PPIL2: variants seen among roughly 807,000 people sequenced by gnomAD.
PPIL2 encodes the protein RING-type E3 ubiquitin-protein ligase PPIL2.
A neutral mutation model predicts 75.2 loss-of-function variants in PPIL2; 50 were observed. The ratio of observed to expected loss-of-function variants is 0.66; its 90% CI spans 0.53 to 0.84. The LOEUF (loss-of-function observed/expected upper bound fraction) is 0.84, where lower values mean the gene tolerates loss of function less well. Ranked by LOEUF, PPIL2 falls within the 40% of genes least tolerant of loss-of-function variation. The probability of loss-of-function intolerance (pLI) is 0.00; values close to 1 mark genes in which losing one functional copy is unlikely to be tolerated. For synonymous variants in PPIL2, 245 were observed against 258.8 expected (o/e 0.95, Z 0.51); for missense variants, 590 against 685.0 (o/e 0.86, Z 1.55).
intron 6 of PPIL2, among the ~76,000 whole-genome samples, chr22:21,675,407 G>C (rs539392061): frequency 6.6e-6 from 1 of 152,276 alleles, no homozygotes; most frequent in African/African-American, 2.4e-5. Context: ...ATGGTGGCGG[G>C]CGCCTGTAGT....
intron 5 of PPIL2, chr22:21,673,746 G>A (rs1379629496): frequency 2.6e-5 from 4 of 152,524 alleles, no homozygotes; most frequent in African/African-American, 9.6e-5. Context: ...TGCTTGGCCA[G>A]ACCTATGGGT....
chr22:21,696,573 C>T lies in PPIL2; in HGVS notation c.*1083C>T, dbSNP rs529153878. ...GGCTGGCTTTTTCTTCGTCTTCAGC[C>T]CAGGCCAGTGGTCAGTGTTCTCATG... On this transcript the variant is annotated 3_prime_UTR_variant, in exon 20 of 20. Transcript: ENST00000398831. 3.5e-6 allele frequency: 5 copies of T among 1,420,148 alleles called. No individual in the cohort carries two copies. The African/African-American group carries it at 5.7e-5, about 16-fold the overall frequency. The allele number at this position is 1,420,148 out of a possible 1,614,324, so 88.0% of individuals were successfully genotyped here.
chr22:21,693,805 C>G lies in PPIL2; in HGVS notation c.1140-11C>G, dbSNP rs374420914. The G allele has an allele frequency of 5.2e-6, 8 of 1,532,176 alleles. No homozygotes were observed. In the African/African-American group the frequency reaches 9.6e-5, roughly 18 times the overall value. 94.9% of individuals were successfully genotyped at this position (1,532,176 alleles called of 1,614,324 possible). ...CCATGCTCTCCCTAACCATCCAGCC[C>G]TCCTCCCCAGCTTCATCACGTTTCG... On this transcript the variant is annotated splice_polypyrimidine_tract_variant and intron_variant, in intron 15 of 19. Transcript: ENST00000398831.
chr22:21,676,368 CTCT>C (rs2066859526), intron 6 of PPIL2, among the ~76,000 whole-genome samples: 1 of 144,992 alleles, frequency 6.9e-6, no homozygotes, highest in Non-Finnish European at 1.5e-5. Context: ...TTCTCCAAAC[CTCT>C]TTTTTTTTTT....
intron 6 of PPIL2, among the ~76,000 whole-genome samples, chr22:21,678,117 C>G (rs925400848): frequency 6.6e-6 from 1 of 152,022 alleles, no homozygotes; most frequent in African/African-American, 2.4e-5. Flanking sequence ...CCTGTGGGGC[C>G]TGGGAGCCAC....
At chr22:21,691,638 C>T (rs920598906) in intron 15 of PPIL2, among the ~76,000 whole-genome samples, 2 of 152,180 alleles carry the variant, frequency 1.3e-5, no homozygotes, top group South Asian at 4.1e-4. Flanking sequence ...CGAGATCGCG[C>T]CACTGCACTC....
chr22:21,675,980 AG>A (rs1241195698), intron 6 of PPIL2, among the ~76,000 whole-genome samples: 2 of 152,178 alleles, frequency 1.3e-5, no homozygotes, highest in Non-Finnish European at 2.9e-5. Flanking sequence ...GCTAGGTTCT[AG>A]TCCAGGTCTT....
chr22:21,674,661 G>A (rs953742727), intron 5 of PPIL2, among the ~76,000 whole-genome samples: 3 of 152,072 alleles, frequency 2.0e-5, no homozygotes, highest in Non-Finnish European at 4.4e-5. Flanking sequence ...AGATGTTGCC[G>A]CTGTACTCCA....
rs753344399 is a variant in PPIL2 at position 21,695,502 on chromosome 22, C to T, written c.*12C>T. 4 of 1,583,362 alleles carry T rather than the reference C, an allele frequency of 2.5e-6. No homozygotes were observed. The highest frequency in any genetic ancestry group is 1.8e-5 in the Admixed American group (1 of 55,434). ...TCAGCTCCTGGTAGCAGCAGGTTGG[C>T]CGCTGTGGACCTTGGTGGGGTTGCA... On this transcript the variant is annotated 3_prime_UTR_variant, in exon 20 of 20. Coordinates refer to ENST00000398831, the MANE Select transcript of PPIL2 (RefSeq NM_014337.4).
At position 21,693,797 on chromosome 22, in the gene PPIL2, A is replaced by G. The variant is rs747339798; in HGVS notation, c.1140-19A>G. On this transcript the variant is annotated intron_variant, in intron 15 of 19. Coordinates refer to ENST00000398831, the MANE Select transcript of PPIL2 (RefSeq NM_014337.4). ...AGAAGGTGCCATGCTCTCCCTAACC[A>G]TCCAGCCCTCCTCCCCAGCTTCATC... is the stretch of plus-strand genomic sequence containing the variant. The G allele has an allele frequency of 3.3e-6, 5 of 1,528,662 alleles. No individual in the cohort carries two copies. In the South Asian group the frequency reaches 5.6e-5, roughly 17 times the overall value. 94.7% of individuals were successfully genotyped at this position (1,528,662 alleles called of 1,614,324 possible).
chr22:21,692,224 C>G (rs563784830), intron 15 of PPIL2, among the ~76,000 whole-genome samples: 4 of 151,656 alleles, frequency 2.6e-5, no homozygotes, highest in African/African-American at 9.7e-5. Flanking sequence ...GGCGCGATCT[C>G]GGCTCACTGC....
At chr22:21,669,462 T>TG (rs1431462609) in intron 1 of PPIL2, 2 of 401,270 alleles carry the variant, frequency 5.0e-6, no homozygotes, top group South Asian at 3.5e-5. Flanking sequence ...ATGTCTGTTG[T>TG]GTTTATCACT....
intron 16 of PPIL2, 140 bp from the exon 17 acceptor site, chr22:21,694,453 C>T: frequency 2.3e-6 from 2 of 870,534 alleles, no homozygotes; most frequent in Non-Finnish European, 1.8e-6. Flanking sequence ...CACTCCCTCT[C>T]ATCGCCTTCC....
At chr22:21,670,709 T>A in intron 3 of PPIL2, 98 bp downstream of exon 3, 1 of 1,340,674 alleles carries the variant, frequency 7.5e-7, no homozygotes, top group Non-Finnish European at 1.1e-6. Flanking sequence ...TGCGTAAAAG[T>A]GTGCCTTGAA....
rs1300528799 is a variant in PPIL2, at chr22:21,672,980, TGTG to T, written c.243+603_243+605del. ...CATCTGTCTCAGCTCTTCTGGCCCT[TGTG>T]GTGTTCTGGGGGCTGCAGGGTTCTG... On this transcript the variant is annotated intron_variant, in intron 5 of 19. Coordinates refer to ENST00000398831, the MANE Select transcript of PPIL2 (RefSeq NM_014337.4). Among the ~76,000 whole-genome samples the T allele has an allele frequency of 9.2e-5, 14 of 152,260 alleles. No homozygotes were observed. In the East Asian group the frequency reaches 2.5e-3, roughly 27 times the overall value.
chr22:21,687,619 A>G (rs766873961), intron 12 of PPIL2, 24 bp from the exon 13 acceptor site: 13 of 1,579,848 alleles, frequency 8.2e-6, no homozygotes, highest in African/African-American at 1.4e-5. Flanking sequence ...TCTGCTTCAT[A>G]CAAGTATTGG....
chr22:21,681,352 G>A lies in PPIL2; in HGVS notation c.349G>A (p.Val117Met), dbSNP rs781766291. 2.5e-6 allele frequency: 4 copies of A among 1,614,072 alleles called. No individual in the cohort carries two copies. The highest frequency in any genetic ancestry group is 2.2e-5 in the East Asian group (1 of 44,894). Residue 117 changes from valine to methionine, a missense_variant, in exon 7 of 20, where the codon GTG becomes ATG. Physicochemically the swap from Val to Met is conservative, Grantham distance 21. Coordinates refer to ENST00000398831, the MANE Select transcript of PPIL2 (RefSeq NM_014337.4). ...FTVFTNNTHI[V>M]AVRTTGNVYA... ...CGTGTTCACCAACAACACCCACATC[G>A]TGGCTGTGAGGACGACCGGCAACGT...
intron 15 of PPIL2, among the ~76,000 whole-genome samples, chr22:21,693,004 C>T (rs2067745429): frequency 6.6e-6 from 1 of 151,606 alleles, no homozygotes; most frequent in South Asian, 2.1e-4. Context: ...ACTCTCTCCT[C>T]GTCTCATGGC....
chr22:21,671,932 G>A (rs2066649393), intron 4 of PPIL2, among the ~76,000 whole-genome samples: 1 of 152,102 alleles, frequency 6.6e-6, no homozygotes, highest in South Asian at 2.1e-4. Flanking sequence ...TGCACCTGTA[G>A]TCCCAGCTAC....
Sources: gnomAD v4.1 joint callset for allele counts (sites outside exome capture counted in the v4.1 genomes callset) on GRCh38, gnomAD v4.1.1 for gene constraint, MANE v1.5 for transcripts, NCBI Gene and HGNC (gene_info 2026-07-23, HGNC 2026-07-21) for gene names.